EPS8: variants seen among roughly 807,000 people sequenced by gnomAD.
EPS8 encodes EGFR pathway substrate 8, signaling adaptor.
EPS8 carries 42 observed loss-of-function variants against 103.8 expected under a neutral mutation model. The observed-to-expected ratio is 0.40, with a 90% CI of 0.32 to 0.52. EPS8 has a LOEUF of 0.52. EPS8 is among the 20% of genes least tolerant of loss of function. The pLI, the probability that EPS8 is intolerant of heterozygous loss-of-function variation, is 0.40. For missense variants in EPS8, 969 were observed against 1,005.1 expected (o/e 0.96, Z 0.49); for synonymous variants, 344 against 344.6 (o/e 1.00, Z 0.02).
chr12:15,646,393 C>A (rs12309273), intron 15 of EPS8, among the ~76,000 whole-genome samples: 2,950 of 152,242 alleles, frequency 0.019, 105 homozygotes, highest in African/African-American at 0.068. Flanking sequence ...TCTCTATTCC[C>A]AGTTCACTGA....
chr12:15,627,227 A>G (rs1944964316), intron 18 of EPS8, among the ~76,000 whole-genome samples: 1 of 151,984 alleles, frequency 6.6e-6, no homozygotes, highest in African/African-American at 2.4e-5. Context: ...GATGGTCTCA[A>G]TCTCCTGACC....
At chr12:15,677,449 T>A (rs1286170567) in intron 3 of EPS8, among the ~76,000 whole-genome samples, 1 of 152,126 alleles carries the variant, frequency 6.6e-6, no homozygotes, top group Admixed American at 6.5e-5. Flanking sequence ...TGCATGAAAC[T>A]TCAGACAGAG....
At chr12:15,694,160 C>T (rs1020508522) in intron 1 of EPS8, among the ~76,000 whole-genome samples, 3 of 151,864 alleles carry the variant, frequency 2.0e-5, no homozygotes, top group African/African-American at 7.3e-5. Context: ...AATGAAAAAC[C>T]CAGATGAAAA....
rs1290512476 is a variant in EPS8, at chr12:15,728,727, T to C, written c.-21-45755A>G. Among the ~76,000 whole-genome samples, 2 of 152,192 alleles carry C rather than the reference T, an allele frequency of 1.3e-5. No homozygotes were observed. The highest frequency in any genetic ancestry group is 4.8e-5 in the African/African-American group (2 of 41,452). ...CTCCATTCCTGAGACTTTCAATAAGTTTAAACTGAAAATGTTTGTTGCAGA... is the reference window on the plus strand; with the variant it reads ...CTCCATTCCTGAGACTTTCAATAAGCTTAAACTGAAAATGTTTGTTGCAGA... On this transcript the variant is annotated intron_variant, in intron 1 of 20. Coordinates refer to ENST00000281172, the MANE Select transcript of EPS8 (RefSeq NM_004447.6). This position sits in a 1 kb window ranked among gnomAD's most constrained non-coding sequence, Gnocchi z 4.5.
At chr12:15,724,606 A>G (rs1382415710) in intron 1 of EPS8, among the ~76,000 whole-genome samples, 1 of 152,208 alleles carries the variant, frequency 6.6e-6, no homozygotes, top group Non-Finnish European at 1.5e-5. Flanking sequence ...CTCATCTTGA[A>G]TTATAGCTCC....
At chr12:15,763,385 T>C (rs1947061072) in intron 1 of EPS8, among the ~76,000 whole-genome samples, 1 of 152,180 alleles carries the variant, frequency 6.6e-6, no homozygotes, top group Non-Finnish European at 1.5e-5. Flanking sequence ...TGTGGGTCAA[T>C]TCCAAAATAA....
chr12:15,625,969 C>T lies in EPS8; in HGVS notation c.2045-1562G>A, dbSNP rs532558198. Among the ~76,000 whole-genome samples, 5 of 152,262 alleles carry T rather than the reference C, an allele frequency of 3.3e-5. No homozygotes were observed. The South Asian group carries it at 1.0e-3, about 32-fold the overall frequency. On this transcript the variant is annotated intron_variant, in intron 18 of 20. Transcript: ENST00000281172. ...ATTCATTTGGGTATTTCTTAAATAG[C>T]TCAAATGCATGTCAAATATAGCATG...
intron 1 of EPS8, among the ~76,000 whole-genome samples, chr12:15,705,580 T>C (rs1167494355): frequency 6.6e-6 from 1 of 152,190 alleles, no homozygotes; most frequent in Non-Finnish European, 1.5e-5. Context: ...ACTAATCCAT[T>C]ATTAAATCCC....
At chr12:15,730,415 C>T (rs1411794668) in intron 1 of EPS8, among the ~76,000 whole-genome samples, 2 of 151,954 alleles carry the variant, frequency 1.3e-5, no homozygotes, top group Non-Finnish European at 2.9e-5. Context: ...TTTTTTAGCA[C>T]TTGATTCCAT....
At position 15,713,766 on chromosome 12, in the gene EPS8, G is replaced by A. The variant is rs940831909; in HGVS notation, c.-21-30794C>T. Reference sequence around the variant, plus strand: ...TCCTCATAGTTAAAAAATGGTGTCGGGGAGGAGAAATTCACTCATAGTCAT... The same window carrying A: ...TCCTCATAGTTAAAAAATGGTGTCGAGGAGGAGAAATTCACTCATAGTCAT... On this transcript the variant is annotated intron_variant, in intron 1 of 20. Transcript: ENST00000281172. The surrounding 1 kb of genome is among the most constrained non-coding windows in gnomAD (Gnocchi z 4.8). 2.0e-5 allele frequency among the ~76,000 whole-genome samples: 3 copies of A among 152,150 alleles called. No individual in the cohort carries two copies. Among genetic ancestry groups the A allele is most frequent in the African/African-American group, 7.2e-5 (3 of 41,418 alleles).
At position 15,745,994 on chromosome 12, in the gene EPS8, G is replaced by A. The variant is rs368184641; in HGVS notation, c.-22+43167C>T. Among the ~76,000 whole-genome samples, 4 of 152,178 alleles carry A rather than the reference G, an allele frequency of 2.6e-5. No homozygotes were observed. The East Asian group carries it at 5.8e-4, about 22-fold the overall frequency. Reference sequence around the variant, plus strand: ...TTCTTTAACACACAGCTTTTACATGGGATTGCACATTCTATGAACACCTTT... The same window carrying A: ...TTCTTTAACACACAGCTTTTACATGAGATTGCACATTCTATGAACACCTTT... On this transcript the variant is annotated intron_variant, in intron 1 of 20. Transcript: ENST00000281172. This position sits in a 1 kb window ranked among gnomAD's most constrained non-coding sequence, Gnocchi z 4.6.
chr12:15,670,802 T>A, intron 4 of EPS8, 54 bp downstream of exon 4: 1 of 1,236,224 alleles, frequency 8.1e-7, no homozygotes, highest in Non-Finnish European at 1.2e-6. Flanking sequence ...AACTTCCAAT[T>A]TTTATGTTCC....
rs894979611 is a variant in EPS8 at position 15,704,202 on chromosome 12, T to C, written c.-21-21230A>G. On this transcript the variant is annotated intron_variant, in intron 1 of 20. Transcript: ENST00000281172. This position sits in a 1 kb window ranked among gnomAD's most constrained non-coding sequence, Gnocchi z 4.6. ...TCAAAAAAATCAAGCATAGAATTACTATATGATCCAGCAGTTCTTCTTCTG... is the reference window on the plus strand; with the variant it reads ...TCAAAAAAATCAAGCATAGAATTACCATATGATCCAGCAGTTCTTCTTCTG... Among the ~76,000 whole-genome samples the C allele has an allele frequency of 6.6e-6, 1 of 152,158 alleles. No homozygotes were observed. The highest frequency in any genetic ancestry group is 1.5e-5 in the Non-Finnish European group (1 of 68,022).
chr12:15,628,094 A>T (rs1210337542), intron 18 of EPS8, among the ~76,000 whole-genome samples: 1 of 65,364 alleles, frequency 1.5e-5, no homozygotes, highest in African/African-American at 6.1e-5. Context: ...AAGGGGAGGG[A>T]GGGAGGGAGG....
rs1283896982 is a variant in EPS8 at position 15,734,851 on chromosome 12, CGAT to C, written c.-21-51882_-21-51880del. 1.3e-5 allele frequency among the ~76,000 whole-genome samples: 2 copies of C among 152,154 alleles called. No individual in the cohort carries two copies. The highest frequency in any genetic ancestry group is 2.9e-5 in the Non-Finnish European group (2 of 68,032). On this transcript the variant is annotated intron_variant, in intron 1 of 20. Transcript: ENST00000281172. The surrounding 1 kb of genome is among the most constrained non-coding windows in gnomAD (Gnocchi z 4.1). ...TGTTCATAATAAAATACTTTCATAT[CGAT>C]GATCTCAATTGATTCTTATAATATG...
At chr12:15,679,763 C>T (rs149171608) in intron 3 of EPS8, among the ~76,000 whole-genome samples, 1 of 152,312 alleles carries the variant, frequency 6.6e-6, no homozygotes, top group African/African-American at 2.4e-5. Context: ...ACATAGGCAA[C>T]AGCCTTCTCT....
intron 18 of EPS8, 101 bp downstream of exon 18, chr12:15,631,341 A>G: frequency 6.6e-7 from 1 of 1,525,494 alleles, no homozygotes; most frequent in Non-Finnish European, 8.9e-7. Context: ...CCATGCAAGT[A>G]TAAAGGACTT....
chr12:15,647,200 T>G lies in EPS8; in HGVS notation c.1495A>C (p.Thr499Pro), dbSNP rs762224577. The change falls in exon 15 of 21, where the codon ACA becomes CCA. Residue 499 changes from threonine (T) to proline (P), a missense_variant. Transcript: ENST00000281172. ...DGYAFSSNIY[T>P]RGSHLDQGEA... ...CCTTGGTCCAGGTGGGATCCTCTTG[T>G]GTAAATGTTGCTACTGAACGCATAG... 3.7e-6 allele frequency: 6 copies of G among 1,613,858 alleles called. No homozygotes were observed. In the East Asian group the frequency reaches 1.3e-4, roughly 36 times the overall value.
rs1219728476 is a variant in EPS8, at chr12:15,761,586, C to G, written c.-22+27575G>C. Among the ~76,000 whole-genome samples the G allele has an allele frequency of 6.6e-6, 1 of 152,018 alleles. No homozygotes were observed. Among genetic ancestry groups the G allele is most frequent in the East Asian group, 1.9e-4 (1 of 5,190 alleles). ...GGCATGGAACTGGAATAAAAACAGA[C>G]ACATAGACCAATAGAAAAGAATAGA... On this transcript the variant is annotated intron_variant, in intron 1 of 20. Transcript: ENST00000281172. This position sits in a 1 kb window ranked among gnomAD's most constrained non-coding sequence, Gnocchi z 4.5.
Sources: gnomAD v4.1 joint callset for allele counts (sites outside exome capture counted in the v4.1 genomes callset) on GRCh38, gnomAD v4.1.1 for gene constraint, Gnocchi (gnomAD v3.1) non-coding constraint, MANE v1.5 for transcripts, NCBI Gene and HGNC (gene_info 2026-07-23, HGNC 2026-07-21) for gene names.